The following APOBEC3G variants were observed in gnomAD, a reference collection of about 807,000 sequenced individuals.
APOBEC3G encodes the protein apolipoprotein B mRNA editing enzyme catalytic subunit 3G.
In APOBEC3G, 44 loss-of-function variants were observed where a neutral mutation model predicts 50.0. The observed-to-expected ratio is 0.88, with a 90% CI of 0.69 to 1.13. The LOEUF is 1.13. APOBEC3G is among the 50% of genes most tolerant of loss of function. APOBEC3G has a pLI of 0.00. For missense variants in APOBEC3G, 469 were observed against 492.0 expected (o/e 0.95, Z 0.44); for synonymous variants, 156 against 175.3 (o/e 0.89, Z 0.87).
intron 1 of APOBEC3G, 144 bp from the exon 2 acceptor site, chr22:39,078,788 C>G: frequency 8.1e-7 from 1 of 1,235,592 alleles, no homozygotes. Flanking sequence ...TCTTGGCTCA[C>G]TACAGTCTCC....
intron 4 of APOBEC3G, chr22:39,081,813 C>A (rs956351381): frequency 1.8e-5 from 9 of 487,472 alleles, no homozygotes; most frequent in South Asian, 1.8e-4. Flanking sequence ...GAGTGAGAGG[C>A]CCCTTCTGCC....
chr22:39,077,831 A>G (rs1928228985), intron 1 of APOBEC3G, among the ~76,000 whole-genome samples: 1 of 152,174 alleles, frequency 6.6e-6, no homozygotes, highest in African/African-American at 2.4e-5. Flanking sequence ...TGGGGAGGGA[A>G]TGGTCTCTGA....
At chr22:39,082,676 A>C (rs1928523065) in intron 4 of APOBEC3G, 1 of 150,390 alleles carries the variant, frequency 6.6e-6, no homozygotes, top group Admixed American at 6.6e-5. Context: ...CCACCCTTTG[A>C]GGGAGCGGGG....
rs1023769846 is a variant in APOBEC3G, at chr22:39,087,459, G to A, written c.*38G>A. On this transcript the variant is annotated 3_prime_UTR_variant, in exon 8 of 8. Coordinates refer to ENST00000407997, the MANE Select transcript of APOBEC3G (RefSeq NM_021822.4). ...AGTCTCTAAGGAAGGCAGAGACCTG[G>A]GTTGAGCCTCAGAATAAAAGATCTT... 1 of 1,613,760 alleles carries A rather than the reference G, an allele frequency of 6.2e-7. No homozygotes were observed. Among genetic ancestry groups the A allele is most frequent in the African/African-American group, 1.3e-5 (1 of 74,890 alleles).
chr22:39,082,058 G>A (rs746995088), intron 4 of APOBEC3G: 29 of 163,286 alleles, frequency 1.8e-4, no homozygotes, highest in East Asian at 5.4e-4. Flanking sequence ...GAAGATGGCC[G>A]GGCTGGGTGC....
chr22:39,081,637 T>C (rs749982803), intron 4 of APOBEC3G, 52 bp downstream of exon 4: 10 of 1,446,470 alleles, frequency 6.9e-6, no homozygotes, highest in Non-Finnish European at 9.7e-6. Flanking sequence ...CTCCTGCTCA[T>C]CCTCTTGAGG....
rs918473281 is a variant in APOBEC3G at position 39,086,387 on chromosome 22, T to G, written c.844T>G (p.Phe282Val). ...DLDQDYRVTCFTSWSPCFSCA... is the reference protein window; with the variant it reads ...DLDQDYRVTCVTSWSPCFSCA... ...GGACCAGGACTACAGGGTTACCTGC[T>G]TCACCTCCTGGAGCCCCTGCTTCAG... The change falls in exon 6 of 8, where the codon TTC (phenylalanine) becomes GTC (valine). Residue 282 changes from phenylalanine (F) to valine (V), a missense_variant. Transcript: ENST00000407997. 6 of 1,614,096 alleles carry G rather than the reference T, an allele frequency of 3.7e-6. No homozygotes were observed. In the Admixed American group the frequency reaches 5.0e-5, roughly 13 times the overall value.
At chr22:39,077,902 T>A (rs981351189) in intron 1 of APOBEC3G, among the ~76,000 whole-genome samples, 1 of 152,180 alleles carries the variant, frequency 6.6e-6, no homozygotes, top group Non-Finnish European at 1.5e-5. Flanking sequence ...AGGATGCAGA[T>A]GACCCCAAAC....
chr22:39,086,617 G>A (rs976609076), intron 6 of APOBEC3G, 50 bp downstream of exon 6: 2 of 1,534,482 alleles, frequency 1.3e-6, no homozygotes, highest in Non-Finnish European at 1.8e-6. Flanking sequence ...GCAGGAGAGG[G>A]CCCCGGGAAG....
intron 4 of APOBEC3G, 27 bp downstream of exon 4, chr22:39,081,612 C>T: frequency 2.5e-6 from 4 of 1,569,294 alleles, no homozygotes; most frequent in South Asian, 1.1e-5. Context: ...AGGCTCATCG[C>T]CTCGCTCCTC....
At position 39,086,614 on chromosome 22, in the gene APOBEC3G, AG is replaced by A. The variant is rs771626944; in HGVS notation, c.1024+50del. 4.3e-4 allele frequency: 660 copies of A among 1,543,436 alleles called. 3 individuals carry two copies. Among genetic ancestry groups the A allele is most frequent in the South Asian group, 2.2e-3 (179 of 79,774 alleles). ...AGGATGGGGTCAGCCAGGGCAGGAG[AG>A]GGCCCCGGGAAGTTACTAGAAAGTG... On this transcript the variant is annotated intron_variant, in intron 6 of 7. Transcript: ENST00000407997.
rs185983011 is a variant in APOBEC3G at position 39,081,115 on chromosome 22, C to T, written c.354C>T (p.Ile118=). ...LAEDPKVTLT[I]FVARLYYFWD... The stretch of plus-strand genomic sequence containing the variant: ...AGGACCCGAAGGTTACCCTGACCAT[C>T]TTTGTTGCCCGCCTCTACTACTTCT... The change falls in exon 3 of 8, where the codon ATC becomes ATT. Residue 118 remains isoleucine, a synonymous_variant. Coordinates refer to ENST00000407997, the MANE Select transcript of APOBEC3G (RefSeq NM_021822.4). 243 of 1,614,238 alleles carry T rather than the reference C, an allele frequency of 1.5e-4. 1 individual carries two copies. In the East Asian group the frequency reaches 5.1e-3, roughly 34 times the overall value.
At chr22:39,086,236 CA>C (rs112871176) in intron 5 of APOBEC3G, 42 bp from the exon 6 acceptor site, 75,021 of 870,244 alleles carry the variant, frequency 0.086, no homozygotes, top group South Asian at 0.16. Context: ...AACTCTGTCT[CA>C]AAAAAAAAAA....
chr22:39,079,151 CTGA>C (rs911762445), intron 2 of APOBEC3G, 66 bp downstream of exon 2: 2 of 1,566,786 alleles, frequency 1.3e-6, no homozygotes, highest in Non-Finnish European at 1.7e-6. Context: ...AAACCACGCA[CTGA>C]TAAGTGAAGT....
intron 5 of APOBEC3G, among the ~76,000 whole-genome samples, chr22:39,085,816 G>C (rs34649639): frequency 6.6e-6 from 1 of 152,142 alleles, no homozygotes; most frequent in Non-Finnish European, 1.5e-5. Flanking sequence ...GAACCCGGGA[G>C]GTGGAGGTTG....
chr22:39,078,352 G>C (rs1002677418), intron 1 of APOBEC3G, among the ~76,000 whole-genome samples: 1 of 152,218 alleles, frequency 6.6e-6, no homozygotes, highest in Non-Finnish European at 1.5e-5. Context: ...TTAAAATTTA[G>C]TAAGAAGAGA....
chr22:39,086,926 G>A (rs1242096445), intron 6 of APOBEC3G, 85 bp from the exon 7 acceptor site: 1 of 1,477,478 alleles, frequency 6.8e-7, no homozygotes, highest in Non-Finnish European at 9.1e-7. Context: ...CAGGATGTGG[G>A]AAGTCTGTCT....
rs770873704 is a variant in APOBEC3G, at chr22:39,086,567, G to A, written c.1024G>A (p.Glu342Lys). The change falls in exon 6 of 8, where the codon GAA becomes AAA. Residue 342 changes from glutamate to lysine, a missense_variant and splice_region_variant. Physicochemically the swap from Glu to Lys is moderately conservative, Grantham distance 56. Transcript: ENST00000407997. ...GAKISIMTYS[E>K]FKHCWDTFVD... ...CAAAATTTCAATAATGACATACAGT[G>A]GTGAGAATGGAAGCCTGGAGTAGGA... is the stretch of plus-strand genomic sequence containing the variant. 74 of 1,593,436 alleles carry A rather than the reference G, an allele frequency of 4.6e-5. No homozygotes were observed. The highest frequency in any genetic ancestry group is 6.3e-5 in the Non-Finnish European group (73 of 1,167,220).
chr22:39,085,602 T>C (rs1928657099), intron 5 of APOBEC3G, among the ~76,000 whole-genome samples: 1 of 152,128 alleles, frequency 6.6e-6, no homozygotes, highest in African/African-American at 2.4e-5. Flanking sequence ...ATTGTAAAAA[T>C]CCGGTCAGGT....
Sources: allele counts gnomAD v4.1 joint callset (sites outside exome capture counted in the v4.1 genomes callset), GRCh38; gene constraint gnomAD v4.1.1; transcripts MANE v1.5; gene names NCBI Gene and HGNC (gene_info 2026-07-23, HGNC 2026-07-21).